Variants in CRB1 observed in about 807,000 individuals in gnomAD.
The protein encoded by CRB1 is protein crumbs homolog 1.
A neutral mutation model predicts 120.0 loss-of-function variants in CRB1; 83 were observed. The ratio of observed to expected loss-of-function variants is 0.69; its 90% CI spans 0.58 to 0.83. The LOEUF is 0.83. Among genes scored for constraint, CRB1 ranks in the 40% least tolerant of loss-of-function variants. The probability of loss-of-function intolerance (pLI) is 0.00; values close to 1 mark genes in which losing one functional copy is unlikely to be tolerated. For missense variants in CRB1, 1,699 were observed against 1,687.6 expected (o/e 1.01, Z -0.12); for synonymous variants, 625 against 612.5 (o/e 1.02, Z -0.30).
chr1:197,274,978 G>A (rs1655121093), intron 1 of CRB1, among the ~76,000 whole-genome samples: 1 of 151,996 alleles, frequency 6.6e-6, no homozygotes. Context: ...TCAAAGGTAA[G>A]AAGCCCCTTG....
chr1:197,283,106 C>CA (rs1655621762), intron 1 of CRB1, among the ~76,000 whole-genome samples: 1 of 144,332 alleles, frequency 6.9e-6, no homozygotes, highest in African/African-American at 2.5e-5. Flanking sequence ...AAAGGTTAAG[C>CA]AAAAATAAAA....
the CRB1 span, among the ~76,000 whole-genome samples, chr1:197,214,225 G>T: frequency 6.6e-6 from 1 of 151,952 alleles, no homozygotes. Flanking sequence ...TGATACTACA[G>T]AAAATCAAAA....
At chr1:197,256,935 G>A in the CRB1 span, among the ~76,000 whole-genome samples, 1 of 17,154 alleles carries the variant, frequency 5.8e-5, no homozygotes, top group Non-Finnish European at 6.4e-4. Flanking sequence ...GGATTTGCGT[G>A]TGTGTGTGTG....
intron 1 of CRB1, among the ~76,000 whole-genome samples, chr1:197,285,063 A>G (rs1655745040): frequency 6.6e-6 from 1 of 151,846 alleles, no homozygotes; most frequent in African/African-American, 2.4e-5. Context: ...GTCGTTGCTG[A>G]AATAGGCTAT....
At chr1:197,363,316 T>A (rs1485400846) in intron 5 of CRB1, among the ~76,000 whole-genome samples, 2 of 151,876 alleles carry the variant, frequency 1.3e-5, no homozygotes, top group Admixed American at 6.6e-5. Flanking sequence ...GCCTCAAGAG[T>A]CTTTCTTTTT....
At chr1:197,414,079 T>C (rs1463459839) in intron 5 of CRB1, 1 of 366,060 alleles carries the variant, frequency 2.7e-6, no homozygotes, top group Non-Finnish European at 5.7e-6. Flanking sequence ...AACTATTGTT[T>C]AATGCTATAA....
chr1:197,432,357 A>AAC (rs35921087), intron 8 of CRB1, among the ~76,000 whole-genome samples: 2,185 of 139,814 alleles, frequency 0.016, 36 homozygotes, highest in African/African-American at 0.043. Flanking sequence ...ACCTGGTTGA[A>AAC]ACACACACAC....
chr1:197,301,933 A>G (rs1443059604), intron 1 of CRB1, among the ~76,000 whole-genome samples: 1 of 152,208 alleles, frequency 6.6e-6, no homozygotes, highest in Non-Finnish European at 1.5e-5. Flanking sequence ...CTCCTGGTGA[A>G]CACTGTCGAA....
chr1:197,425,356 A>G, intron 6 of CRB1, among the ~76,000 whole-genome samples: 1 of 152,222 alleles, frequency 6.6e-6, no homozygotes, highest in East Asian at 1.9e-4. Context: ...CTGAAAATAT[A>G]GCCTTTTATG....
upstream of CRB1, among the ~76,000 whole-genome samples, chr1:197,263,716 C>A (rs1654566789): frequency 6.6e-6 from 1 of 151,974 alleles, no homozygotes; most frequent in South Asian, 2.1e-4. Context: ...ATAGAACTTT[C>A]TATTTTCCGT....
intron 5 of CRB1, among the ~76,000 whole-genome samples, chr1:197,388,788 TATTA>T (rs1662346982): frequency 6.6e-6 from 1 of 152,136 alleles, no homozygotes; most frequent in Non-Finnish European, 1.5e-5. Context: ...ATATTACTCT[TATTA>T]ATTTTCTCTT....
chr1:197,351,106 C>T (rs1206301383), intron 4 of CRB1, among the ~76,000 whole-genome samples: 4 of 148,046 alleles, frequency 2.7e-5, no homozygotes, highest in Non-Finnish European at 5.9e-5. Context: ...CTTTGGGAGA[C>T]CAAAGCAAGC....
rs1664767158 is a variant in CRB1, at chr1:197,429,473, G to T, written c.2701G>T (p.Val901Phe). The T allele has an allele frequency of 6.2e-7, 1 of 1,614,006 alleles. No homozygotes were observed. Among genetic ancestry groups the T allele is most frequent in the Non-Finnish European group, 8.5e-7 (1 of 1,179,940 alleles). ...CKSNPCHNGGVCHSRWDDFSC... is the reference protein window; with the variant it reads ...CKSNPCHNGGFCHSRWDDFSC... Reference sequence around the variant, plus strand: ...GTCCAACCCCTGTCACAATGGAGGTGTTTGCCATTCCCGGTGGGATGACTT... The same window carrying T: ...GTCCAACCCCTGTCACAATGGAGGTTTTTGCCATTCCCGGTGGGATGACTT... Residue 901 changes from valine (V) to phenylalanine (F), a missense_variant, in exon 8 of 12, where the codon GTT becomes TTT. Val to Phe is a conservative substitution (Grantham distance 50). Coordinates refer to ENST00000367400, the MANE Select transcript of CRB1 (RefSeq NM_201253.3).
chr1:197,438,502 G>T (rs1299900450), intron 9 of CRB1, 45 bp from the exon 10 acceptor site: 4 of 1,608,018 alleles, frequency 2.5e-6, no homozygotes, highest in Middle Eastern at 1.7e-4. Context: ...TCTTGAATGA[G>T]ATGAACAAGA....
upstream of CRB1, among the ~76,000 whole-genome samples, chr1:197,267,881 A>G (rs574366428): frequency 1.8e-4 from 27 of 152,314 alleles, 1 homozygote; most frequent in Admixed American, 1.4e-3. Context: ...TCTTGGCCCA[A>G]CTTACAAACA....
chr1:197,306,289 G>T (rs1280393397), intron 1 of CRB1, among the ~76,000 whole-genome samples: 1 of 152,076 alleles, frequency 6.6e-6, no homozygotes, highest in Non-Finnish European at 1.5e-5. Flanking sequence ...AAATTGAATG[G>T]TCAAAGAAGA....
the CRB1 span, among the ~76,000 whole-genome samples, chr1:197,204,436 C>G: frequency 6.6e-6 from 1 of 152,196 alleles, no homozygotes; most frequent in Admixed American, 6.5e-5. Context: ...TCCCAGCCAA[C>G]ATCTATTATT....
chr1:197,332,669 G>A (rs7556222), intron 2 of CRB1, among the ~76,000 whole-genome samples: 3,766 of 152,216 alleles, frequency 0.025, 155 homozygotes, highest in African/African-American at 0.086. Context: ...ATTACCCAGG[G>A]AGCTCTGAAA....
At chr1:197,314,167 T>C (rs776330204) in intron 1 of CRB1, among the ~76,000 whole-genome samples, 5 of 152,230 alleles carry the variant, frequency 3.3e-5, no homozygotes, top group Non-Finnish European at 5.9e-5. Context: ...GGGAACCTAC[T>C]TGGAATTATC....
Sources: gnomAD v4.1 joint callset for allele counts (sites outside exome capture counted in the v4.1 genomes callset) on GRCh38, gnomAD v4.1.1 for gene constraint, MANE v1.5 for transcripts, NCBI Gene and HGNC (gene_info 2026-07-23, HGNC 2026-07-21) for gene names.